ENTREP3: variants seen among roughly 807,000 people sequenced by gnomAD.
The protein encoded by ENTREP3 is protein ENTREP3.
chr1:155,247,712 G>T, the ENTREP3 span: 4 of 1,374,836 alleles, frequency 2.9e-6, no homozygotes, highest in Non-Finnish European at 3.9e-6. Context: ...GCAAGAGGAT[G>T]CTGGGGGCTG....
At chr1:155,255,194 T>C in the ENTREP3 span, 8,484 of 447,746 alleles carry the variant, frequency 0.019, 124 homozygotes, top group Non-Finnish European at 0.029. The surrounding 1 kb of genome is among the most constrained non-coding windows in gnomAD (Gnocchi z 5.6). Flanking sequence ...GAAGGGCCGG[T>C]CCAGGAGTGA....
At chr1:155,249,885 CAA>C in the ENTREP3 span, among the ~76,000 whole-genome samples, 13 of 31,124 alleles carry the variant, frequency 4.2e-4, no homozygotes, top group Admixed American at 3.3e-4. Flanking sequence ...GACACCGTCT[CAA>C]AAAAAAAAAA....
the ENTREP3 span, chr1:155,252,712 A>G: frequency 2.0e-4 from 10 of 50,148 alleles, no homozygotes; most frequent in Non-Finnish European, 2.5e-4. Context: ...ATATATATAT[A>G]TATATATATA....
chr1:155,252,091 C>T, the ENTREP3 span: 13 of 472,512 alleles, frequency 2.8e-5, no homozygotes. Context: ...GTACCTCTAG[C>T]TCTGGCCCTG....
the ENTREP3 span, chr1:155,251,477 G>A: frequency 1.7e-5 from 27 of 1,570,710 alleles, no homozygotes; most frequent in African/African-American, 1.9e-4. Context: ...TCCCCAGCCC[G>A]CCCCAAGCCG....
chr1:155,248,402 G>C, the ENTREP3 span: 1 of 1,614,094 alleles, frequency 6.2e-7, no homozygotes, highest in Non-Finnish European at 8.5e-7. Context: ...CCACATGCCT[G>C]ACCTGTATCT....
chr1:155,250,766 G>A, the ENTREP3 span: 1 of 1,611,982 alleles, frequency 6.2e-7, no homozygotes, highest in Non-Finnish European at 8.5e-7. The surrounding 1 kb of genome is among the most constrained non-coding windows in gnomAD (Gnocchi z 5.4). Context: ...ACGGGCTAGA[G>A]CCCCCAGGGA....
chr1:155,250,782 C>T, the ENTREP3 span: 2 of 1,610,806 alleles, frequency 1.2e-6, no homozygotes, highest in African/African-American at 1.3e-5. This position sits in a 1 kb window ranked among gnomAD's most constrained non-coding sequence, Gnocchi z 5.4. Context: ...AGGGAGGTCA[C>T]CAATGGCTGA....
the ENTREP3 span, chr1:155,250,714 A>T: frequency 3.1e-6 from 5 of 1,613,146 alleles, no homozygotes; most frequent in Non-Finnish European, 4.2e-6. This position sits in a 1 kb window ranked among gnomAD's most constrained non-coding sequence, Gnocchi z 5.4. Context: ...TAGTCCACGG[A>T]GCGCACGGAG....
At chr1:155,251,471 C>T in the ENTREP3 span, 1 of 1,556,098 alleles carries the variant, frequency 6.4e-7, no homozygotes, top group Non-Finnish European at 8.8e-7. Flanking sequence ...CCCGGCTCCC[C>T]AGCCCGCCCC....
chr1:155,250,440 C>G, the ENTREP3 span: 64 of 1,485,342 alleles, frequency 4.3e-5, no homozygotes, highest in Non-Finnish European at 4.9e-5. The surrounding 1 kb of genome is among the most constrained non-coding windows in gnomAD (Gnocchi z 5.4). Flanking sequence ...TGCGGCTGGG[C>G]GGCCCCCTCC....
At chr1:155,251,876 T>C in the ENTREP3 span, 10 of 1,497,282 alleles carry the variant, frequency 6.7e-6, 1 homozygote, top group South Asian at 1.3e-4. Flanking sequence ...GAGGTCCCAG[T>C]GGGCCTGAGA....
At chr1:155,251,744 T>G in the ENTREP3 span, 9 of 1,611,918 alleles carry the variant, frequency 5.6e-6, no homozygotes, top group Non-Finnish European at 7.6e-6. Context: ...TCTGTGCATC[T>G]GTTTCTGAGC....
chr1:155,255,239 G>A, the ENTREP3 span: 8 of 371,344 alleles, frequency 2.2e-5, no homozygotes, highest in East Asian at 4.1e-4. The surrounding 1 kb of genome is among the most constrained non-coding windows in gnomAD (Gnocchi z 5.6). Flanking sequence ...AGGGAGGGGT[G>A]GGGAGGGTAA....
chr1:155,252,410 C>T, the ENTREP3 span, among the ~76,000 whole-genome samples: 1 of 151,716 alleles, frequency 6.6e-6, no homozygotes, highest in Non-Finnish European at 1.5e-5. Flanking sequence ...ACTCTTGTCG[C>T]CCAGGCTGGA....
chr1:155,254,624 C>T, the ENTREP3 span: 1 of 1,600,194 alleles, frequency 6.2e-7, no homozygotes, highest in Non-Finnish European at 8.5e-7. This position sits in a 1 kb window ranked among gnomAD's most constrained non-coding sequence, Gnocchi z 4.4. Flanking sequence ...AGGAGCCTCC[C>T]CCACCCAACA....
the ENTREP3 span, chr1:155,252,111 A>T: frequency 2.2e-6 from 1 of 454,054 alleles, no homozygotes; most frequent in Non-Finnish European, 3.8e-6. Flanking sequence ...GCCCACCCAC[A>T]AATTCCTCTT....
chr1:155,252,690 G>GTATATATATA, the ENTREP3 span: 3 of 32,880 alleles, frequency 9.1e-5, no homozygotes, highest in Admixed American at 5.3e-4. Flanking sequence ...AATTTTGTGT[G>GTATATATATA]TATATATATA....
the ENTREP3 span, chr1:155,253,558 C>A: frequency 2.7e-6 from 3 of 1,101,992 alleles, no homozygotes; most frequent in Admixed American, 2.0e-5. Flanking sequence ...TTCCCTCAGG[C>A]AAGTCTCAGC....
Sources: gnomAD v4.1 joint callset for allele counts (sites outside exome capture counted in the v4.1 genomes callset) on GRCh38, gnomAD v4.1.1 for gene constraint, Gnocchi (gnomAD v3.1) non-coding constraint, MANE v1.5 for transcripts, NCBI Gene and HGNC (gene_info 2026-07-23, HGNC 2026-07-21) for gene names.